DST: variants seen among roughly 807,000 people sequenced by gnomAD.
DST encodes the protein dystonin, also known as bullous pemphigoid antigen.
In DST, 253 loss-of-function variants were observed where a neutral mutation model predicts 875.2. The observed-to-expected ratio is 0.29, with a 90% CI of 0.26 to 0.32. The LOEUF is 0.32. Ranked by LOEUF, DST falls within the 10% of genes least tolerant of loss-of-function variation. DST has a pLI of 1.00. For synonymous variants in DST, 3,124 were observed against 3,197.1 expected, an observed-to-expected ratio of 0.98 and a Z score of 0.77; for missense variants, 8,287 against 9,111.6, an observed-to-expected ratio of 0.91 and a Z score of 3.68.
rs1397346099 is a variant in DST, at chr6:56,458,198, A to T, written c.*807T>A. The T allele has an allele frequency of 6.6e-6, 1 of 152,632 alleles. No individual in the cohort carries two copies. Among genetic ancestry groups the T allele is most frequent in the African/African-American group, 2.4e-5 (1 of 41,450 alleles). 9.5% of individuals were successfully genotyped at this position (152,632 alleles called of 1,614,324 possible). On this transcript the variant is annotated 3_prime_UTR_variant, in exon 104 of 104. Coordinates refer to ENST00000680361, the MANE Select transcript of DST (RefSeq NM_001374736.1). Reference sequence around the variant, plus strand: ...ATTGATATTGCTCATAAAAAAATACACTAGTTTTCCCTGGGGAAAAAAAAT... The same window carrying T: ...ATTGATATTGCTCATAAAAAAATACTCTAGTTTTCCCTGGGGAAAAAAAAT...
chr6:56,820,732 A>C (rs1337750976), intron 4 of DST, among the ~76,000 whole-genome samples: 1 of 152,060 alleles, frequency 6.6e-6, no homozygotes, highest in African/African-American at 2.4e-5. Flanking sequence ...TTACCAGTAC[A>C]TTACTGCCTA....
At chr6:56,497,305 T>A in intron 82 of DST, 74 bp downstream of exon 82, 1 of 1,531,482 alleles carries the variant, frequency 6.5e-7, no homozygotes, top group Non-Finnish European at 8.9e-7. Flanking sequence ...CCACGATTTA[T>A]GTATCGCCAG....
At position 56,615,644 on chromosome 6, in the gene DST, G is replaced by A. The variant is rs771618700; in HGVS notation, c.4930-1160C>T. On this transcript the variant is annotated intron_variant, in intron 36 of 103. Coordinates refer to ENST00000680361, the MANE Select transcript of DST (RefSeq NM_001374736.1). ...TTCTTTATATGTCAACTTTCTTTTT[G>A]TCTGAGGGCATATTATATTTCTGAC... The A allele has an allele frequency of 8.7e-6, 14 of 1,613,768 alleles. No individual in the cohort carries two copies. In the African/African-American group the frequency reaches 1.9e-4, roughly 22 times the overall value.
chr6:56,459,061 G>A lies in DST; in HGVS notation c.23401C>T (p.Pro7801Ser), dbSNP rs2094189805. Reference sequence around the variant, plus strand: ...GCAGGTGATTTCCTCTGGGGCGTGGGGATTTTTGAAGGCTTCGCTGTGGAT... The same window carrying A: ...GCAGGTGATTTCCTCTGGGGCGTGGAGATTTTTGAAGGCTTCGCTGTGGAT... ...RPSTAKPSKI[P>S]TPQRKSPASK... The change falls in exon 104 of 104, where the codon CCC (proline) becomes TCC (serine). Residue 7801 changes from proline (P) to serine (S), a missense_variant. By Grantham distance (74) the Pro-to-Ser change is moderately conservative. Around this residue, in one of 10 missense-constraint regions of DST, gnomAD observed 240 missense variants for 237.3 expected, o/e 1.01. Transcript: ENST00000680361. The A allele has an allele frequency of 6.2e-7, 1 of 1,613,990 alleles. No homozygotes were observed. Among genetic ancestry groups the A allele is most frequent in the Non-Finnish European group, 8.5e-7 (1 of 1,179,874 alleles).
chr6:56,715,790 C>T (rs2099392558), intron 5 of DST, among the ~76,000 whole-genome samples: 2 of 152,180 alleles, frequency 1.3e-5, no homozygotes, highest in Admixed American at 1.3e-4. Flanking sequence ...TTCCCAGCAG[C>T]TTCCCCAGAG....
chr6:56,558,976 A>G (rs1429405512), intron 58 of DST, among the ~76,000 whole-genome samples: 1 of 152,110 alleles, frequency 6.6e-6, no homozygotes, highest in African/African-American at 2.4e-5. Context: ...GTCAAGGGTT[A>G]CTGATCAGAG....
chr6:56,534,922 T>C (rs192790916), intron 63 of DST, among the ~76,000 whole-genome samples, 200 bp downstream of exon 63: 123 of 152,356 alleles, frequency 8.1e-4, no homozygotes, highest in Admixed American at 6.3e-3. Flanking sequence ...TTCAAGGATA[T>C]ATTCCCAGCA....
intron 4 of DST, chr6:56,842,987 A>T: frequency 7.6e-7 from 1 of 1,310,538 alleles, no homozygotes; most frequent in East Asian, 2.9e-5. Context: ...GGCTCTGATT[A>T]AGGAAAGGCA....
chr6:56,824,195 G>A (rs551619807), intron 4 of DST, among the ~76,000 whole-genome samples: 106 of 152,318 alleles, frequency 7.0e-4, no homozygotes, highest in African/African-American at 2.5e-3. Context: ...TTTTTTGGTG[G>A]AGACAGGGTT....
chr6:56,569,042 G>A (rs1050891470), intron 54 of DST, among the ~76,000 whole-genome samples: 6 of 151,998 alleles, frequency 3.9e-5, no homozygotes, highest in African/African-American at 1.2e-4. Context: ...CACACACACG[G>A]TCGGGCGAGG....
intron 10 of DST, among the ~76,000 whole-genome samples, chr6:56,669,761 T>C (rs1381156739): frequency 1.3e-5 from 2 of 152,196 alleles, no homozygotes; most frequent in Non-Finnish European, 2.9e-5. Context: ...AAGTATTTAC[T>C]GGGTCTCAGT....
intron 4 of DST, among the ~76,000 whole-genome samples, chr6:56,751,813 C>T (rs973688306): frequency 1.3e-5 from 2 of 152,162 alleles, no homozygotes; most frequent in South Asian, 2.1e-4. Flanking sequence ...CAGGGATCTG[C>T]TCCAGGCCAA....
intron 94 of DST, 85 bp from the exon 95 acceptor site, chr6:56,471,353 C>T: frequency 2.0e-6 from 2 of 1,019,702 alleles, no homozygotes; most frequent in Non-Finnish European, 2.8e-6. Flanking sequence ...TGAAATGATT[C>T]TCTAGGTAGT....
chr6:56,655,678 A>G (rs1034248965), intron 10 of DST, among the ~76,000 whole-genome samples: 1 of 152,132 alleles, frequency 6.6e-6, no homozygotes, highest in Non-Finnish European at 1.5e-5. Context: ...AAAAACAGAA[A>G]TATGTCAGGT....
Position 56,605,228 on chromosome 6 carries a change from A to C in DST, c.9400T>G (p.Phe3134Val). 6.2e-7 allele frequency: 1 copy of C among 1,611,406 alleles called. No individual in the cohort carries two copies. Among genetic ancestry groups the C allele is most frequent in the Non-Finnish European group, 8.5e-7 (1 of 1,178,522 alleles). ...TCAAAAATTTCTTCAAGATTCTCAA[A>C]CTGAACAGGACTTTTACTAACTATT... Reference protein sequence around the residue: ...QIIVSKSPVQFENLEEIFDTS... With the variant: ...QIIVSKSPVQVENLEEIFDTS... The change falls in exon 40 of 104, where the codon TTT becomes GTT. Residue 3134 changes from phenylalanine to valine, a missense_variant. Physicochemically the swap from Phe to Val is conservative, Grantham distance 50. This residue lies in a region of DST where 3,138 missense variants were observed against 3,116.6 expected (regional missense o/e 1.01). Transcript: ENST00000680361.
intron 10 of DST, among the ~76,000 whole-genome samples, chr6:56,663,288 G>A (rs536712226): frequency 6.6e-6 from 1 of 152,286 alleles, no homozygotes; most frequent in East Asian, 1.9e-4. Context: ...ATCCATTTCT[G>A]TTCTCAAAGT....
chr6:56,906,792 T>C lies in DST; in HGVS notation c.217-6171A>G, dbSNP rs1562359343. ...CCTCAAGTGTGTCCCTGTCCTAAAT[T>C]TTCTTGGTGCAAGACAACGAACCCC... On this transcript the variant is annotated intron_variant, in intron 2 of 103. Coordinates refer to ENST00000680361, the MANE Select transcript of DST (RefSeq NM_001374736.1). Among the ~76,000 whole-genome samples, 5 of 152,282 alleles carry C rather than the reference T, an allele frequency of 3.3e-5. No homozygotes were observed. In the South Asian group the frequency reaches 1.0e-3, roughly 32 times the overall value.
intron 3 of DST, among the ~76,000 whole-genome samples, chr6:56,884,319 G>C (rs1783622264): frequency 1.3e-5 from 2 of 152,150 alleles, no homozygotes; most frequent in South Asian, 4.2e-4. Flanking sequence ...ATTTGTTCTA[G>C]AGTTTCCCAC....
intron 9 of DST, among the ~76,000 whole-genome samples, chr6:56,685,493 A>C (rs754200162): frequency 2.6e-5 from 4 of 152,130 alleles, no homozygotes; most frequent in Non-Finnish European, 5.9e-5. Flanking sequence ...TTAAAAAGTC[A>C]AGGCTGGGTG....
Sources: gnomAD v4.1 joint callset for allele counts (sites outside exome capture counted in the v4.1 genomes callset) on GRCh38, gnomAD v4.1.1 for gene constraint, gnomAD v4.1.1 regional missense constraint, MANE v1.5 for transcripts, NCBI Gene and HGNC (gene_info 2026-07-23, HGNC 2026-07-21) for gene names.